The following DISC1 variants were observed in gnomAD, a reference collection of about 807,000 sequenced individuals.
The protein encoded by DISC1 is disrupted in schizophrenia 1 protein.
Under a neutral mutation model 84.5 loss-of-function variants are expected in DISC1, and 57 were observed. That is an observed-to-expected ratio of 0.67 (90% CI 0.55 to 0.84). DISC1 has a LOEUF of 0.84. Ranked by LOEUF, DISC1 falls within the 40% of genes least tolerant of loss-of-function variation. The pLI, the probability that DISC1 is intolerant of heterozygous loss-of-function variation, is 0.00. For missense variants in DISC1, 1,000 were observed against 1,057.8 expected (o/e 0.95, Z 0.76); for synonymous variants, 411 against 415.2 (o/e 0.99, Z 0.12).
intron 9 of DISC1, among the ~76,000 whole-genome samples, chr1:231,889,835 C>T (rs985612451): frequency 6.6e-6 from 1 of 152,022 alleles, no homozygotes; most frequent in Non-Finnish European, 1.5e-5. Flanking sequence ...ACTGTGTGAG[C>T]GGAAGTTGAT....
intron 10 of DISC1, among the ~76,000 whole-genome samples, chr1:231,997,057 G>A (rs1449284430): frequency 2.0e-5 from 3 of 152,088 alleles, no homozygotes; most frequent in Non-Finnish European, 4.4e-5. Context: ...TCCAAAGCTT[G>A]ATGAAATTAT....
At chr1:232,012,286 G>A (rs1003320351) in intron 11 of DISC1, among the ~76,000 whole-genome samples, 4 of 152,158 alleles carry the variant, frequency 2.6e-5, no homozygotes, top group Admixed American at 2.6e-4. Context: ...TCAAGAAGTA[G>A]ACATGAGCAA....
chr1:231,941,984 G>C (rs76665469), intron 9 of DISC1, among the ~76,000 whole-genome samples: 113 of 152,184 alleles, frequency 7.4e-4, no homozygotes, highest in African/African-American at 2.5e-3. Context: ...GGAGCAGAGC[G>C]TGCCAGACAG....
intron 10 of DISC1, among the ~76,000 whole-genome samples, chr1:231,993,922 GA>G (rs1321259633): frequency 6.6e-6 from 1 of 152,178 alleles, no homozygotes; most frequent in Non-Finnish European, 1.5e-5. Flanking sequence ...AGTGATACAG[GA>G]AAATAAATTG....
chr1:231,693,600 G>A (rs1376615781), intron 1 of DISC1, among the ~76,000 whole-genome samples: 2 of 152,186 alleles, frequency 1.3e-5, no homozygotes, highest in East Asian at 1.9e-4. Context: ...CTGCTAAACC[G>A]AGGAGCTGAG....
intron 2 of DISC1, among the ~76,000 whole-genome samples, chr1:231,697,478 C>A (rs984218867): frequency 1.3e-5 from 2 of 152,132 alleles, no homozygotes; most frequent in African/African-American, 4.8e-5. Flanking sequence ...GGGTCTCTGT[C>A]TTCCAGGCTG....
chr1:231,992,761 T>A (rs1314512239), intron 10 of DISC1, among the ~76,000 whole-genome samples: 1 of 152,246 alleles, frequency 6.6e-6, no homozygotes, highest in East Asian at 1.9e-4. Flanking sequence ...TAATCTTTAC[T>A]AGAATGGATA....
At chr1:231,748,449 G>C (rs975686027) in intron 3 of DISC1, among the ~76,000 whole-genome samples, 1 of 152,034 alleles carries the variant, frequency 6.6e-6, no homozygotes, top group South Asian at 2.1e-4. Flanking sequence ...TTATTATGAA[G>C]GGATGTTGAA....
chr1:232,007,332 C>T (rs1481479514), intron 10 of DISC1, among the ~76,000 whole-genome samples: 3 of 152,090 alleles, frequency 2.0e-5, no homozygotes, highest in African/African-American at 7.2e-5. Flanking sequence ...AGTGCTAGCC[C>T]GTGAAAGCAG....
intron 9 of DISC1, among the ~76,000 whole-genome samples, chr1:231,824,673 A>T (rs766525908): frequency 6.6e-6 from 1 of 152,166 alleles, no homozygotes; most frequent in Non-Finnish European, 1.5e-5. Flanking sequence ...CATACAGTGG[A>T]AAAAGCCTGG....
intron 10 of DISC1, among the ~76,000 whole-genome samples, chr1:231,984,622 G>C (rs925732139): frequency 2.6e-5 from 4 of 152,176 alleles, no homozygotes; most frequent in Non-Finnish European, 5.9e-5. Context: ...GGATGAGTAA[G>C]GCATCTGGCC....
intron 11 of DISC1, among the ~76,000 whole-genome samples, chr1:232,024,253 G>A (rs935517395): frequency 2.0e-5 from 3 of 152,032 alleles, no homozygotes; most frequent in African/African-American, 4.8e-5. Flanking sequence ...CAGTAAATGC[G>A]TATAGTCATT....
At chr1:231,863,815 A>G (rs2084854021) in intron 9 of DISC1, among the ~76,000 whole-genome samples, 1 of 152,218 alleles carries the variant, frequency 6.6e-6, no homozygotes, top group Non-Finnish European at 1.5e-5. Flanking sequence ...GTCTACTGCC[A>G]GTTTCTCCAG....
At chr1:232,033,259 C>G (rs931197447) in intron 12 of DISC1, among the ~76,000 whole-genome samples, 1 of 152,144 alleles carries the variant, frequency 6.6e-6, no homozygotes, top group Non-Finnish European at 1.5e-5. Context: ...TTTCCATATC[C>G]CACATCCAGT....
chr1:231,794,983 C>T (rs1299800791), intron 6 of DISC1, among the ~76,000 whole-genome samples: 2 of 152,054 alleles, frequency 1.3e-5, no homozygotes, highest in Non-Finnish European at 2.9e-5. Flanking sequence ...CTGTTCTTCC[C>T]GTTATCAGTA....
At chr1:231,964,849 C>A (rs960286041) in intron 10 of DISC1, among the ~76,000 whole-genome samples, 6 of 152,210 alleles carry the variant, frequency 3.9e-5, no homozygotes, top group African/African-American at 1.4e-4. Flanking sequence ...TTACCTGTTC[C>A]CACTGTTCAG....
chr1:231,995,582 C>T (rs1429269345), intron 10 of DISC1, among the ~76,000 whole-genome samples: 2 of 151,746 alleles, frequency 1.3e-5, no homozygotes, highest in African/African-American at 4.8e-5. Context: ...TGAGTGAGAA[C>T]ATGCGGTGTT....
intron 1 of DISC1, among the ~76,000 whole-genome samples, chr1:231,632,183 G>A (rs572437611): frequency 4.6e-5 from 7 of 152,288 alleles, no homozygotes; most frequent in African/African-American, 1.7e-4. Context: ...CTAGGTTTTT[G>A]TGAGTACACT....
intron 12 of DISC1, among the ~76,000 whole-genome samples, chr1:232,030,842 G>A (rs1669942966): frequency 6.6e-6 from 1 of 152,118 alleles, no homozygotes; most frequent in Non-Finnish European, 1.5e-5. Flanking sequence ...GGCCAGGTGC[G>A]GTGGCTTACA....
Sources: allele counts gnomAD v4.1 joint callset (sites outside exome capture counted in the v4.1 genomes callset), GRCh38; gene constraint gnomAD v4.1.1; transcripts MANE v1.5; gene names NCBI Gene and HGNC (gene_info 2026-07-23, HGNC 2026-07-21).